The following IL2RB variants were observed in gnomAD, a reference collection of about 807,000 sequenced individuals.
The protein encoded by IL2RB is interleukin-2 receptor subunit beta.
IL2RB carries 17 observed loss-of-function variants against 44.2 expected under a neutral mutation model. That is an observed-to-expected ratio of 0.38 (90% CI 0.26 to 0.58). The LOEUF is 0.58. IL2RB is among the 20% of genes least tolerant of loss of function. The probability of loss-of-function intolerance (pLI) is 0.63; values close to 1 mark genes in which losing one functional copy is unlikely to be tolerated. For synonymous variants in IL2RB, 286 were observed against 297.9 expected (o/e 0.96, Z 0.41); for missense variants, 624 against 685.5 (o/e 0.91, Z 1.00).
chr22:37,139,344 G>C, intron 4 of IL2RB, 122 bp from the exon 5 acceptor site: 1 of 649,808 alleles, frequency 1.5e-6, no homozygotes, highest in South Asian at 1.9e-5. Flanking sequence ...CCAAGGCAGG[G>C]GCAGCAAATG....
intron 1 of IL2RB, among the ~76,000 whole-genome samples, chr22:37,162,305 A>C (rs1035210232): frequency 2.6e-5 from 4 of 152,172 alleles, no homozygotes; most frequent in African/African-American, 9.7e-5. Flanking sequence ...TTGGATGCTC[A>C]AGGACAGTAC....
chr22:37,136,465 A>AAC, intron 6 of IL2RB, 72 bp from the exon 7 acceptor site: 1 of 1,355,822 alleles, frequency 7.4e-7, no homozygotes, highest in Non-Finnish European at 9.9e-7. Context: ...AGCATCACAG[A>AAC]ACCCCCCCCC....
chr22:37,160,246 G>C (rs1922812173), intron 1 of IL2RB, among the ~76,000 whole-genome samples: 1 of 152,250 alleles, frequency 6.6e-6, no homozygotes, highest in African/African-American at 2.4e-5. Flanking sequence ...GCAGCGGGAT[G>C]GCAGCTTATC....
intron 1 of IL2RB, among the ~76,000 whole-genome samples, chr22:37,160,433 G>GC (rs879279735): frequency 3.3e-5 from 5 of 152,232 alleles, no homozygotes; most frequent in African/African-American, 4.8e-5. Context: ...GAACTGAGAT[G>GC]CCCATGGGGG....
chr22:37,150,324 G>A (rs979072851), upstream of IL2RB, among the ~76,000 whole-genome samples: 7 of 152,020 alleles, frequency 4.6e-5, no homozygotes, highest in African/African-American at 1.7e-4. Context: ...GGTGACCCCA[G>A]CGTCTCACCC....
intron 8 of IL2RB, among the ~76,000 whole-genome samples, chr22:37,133,105 C>T (rs982096486): frequency 1.3e-5 from 2 of 152,168 alleles, no homozygotes; most frequent in Non-Finnish European, 2.9e-5. Context: ...CCTCAAGGGC[C>T]AGGGTGTACT....
intron 9 of IL2RB, among the ~76,000 whole-genome samples, chr22:37,130,220 T>A (rs541865372): frequency 3.3e-5 from 5 of 152,144 alleles, no homozygotes; most frequent in African/African-American, 1.2e-4. Flanking sequence ...TCGGGTGAGA[T>A]TCATGATACC....
chr22:37,159,856 G>A (rs1922800266), intron 1 of IL2RB, among the ~76,000 whole-genome samples: 1 of 152,230 alleles, frequency 6.6e-6, no homozygotes. Flanking sequence ...TGGCGTGGGG[G>A]CCACCCGTTG....
At position 37,137,575 on chromosome 22, in the gene IL2RB, C is replaced by T. The variant is rs1921769343; in HGVS notation, c.537+12G>A. On this transcript the variant is annotated intron_variant, in intron 6 of 9. Coordinates refer to ENST00000216223, the MANE Select transcript of IL2RB (RefSeq NM_000878.5). Reference sequence around the variant, plus strand: ...GGAACCAAGGCAGGTACGGACTGGGCCACATTCTCACCTCCCAGGTGTGGC... The same window carrying T: ...GGAACCAAGGCAGGTACGGACTGGGTCACATTCTCACCTCCCAGGTGTGGC... The T allele has an allele frequency of 6.2e-7, 1 of 1,613,790 alleles. No individual in the cohort carries two copies. The highest frequency in any genetic ancestry group is 1.3e-5 in the African/African-American group (1 of 74,934).
chr22:37,165,050 T>G (rs973271249), intron 1 of IL2RB, among the ~76,000 whole-genome samples: 6 of 152,184 alleles, frequency 3.9e-5, no homozygotes, highest in African/African-American at 1.4e-4. Context: ...AGAGGCCGCA[T>G]GTTACCTCAG....
intron 1 of IL2RB, among the ~76,000 whole-genome samples, chr22:37,156,678 T>C (rs1032670974): frequency 6.6e-6 from 1 of 152,240 alleles, no homozygotes; most frequent in Non-Finnish European, 1.5e-5. Context: ...TCCCATTGGC[T>C]ACGCCTGAGT....
chr22:37,173,301 C>G (rs1015437741), intron 1 of IL2RB, among the ~76,000 whole-genome samples: 1 of 152,294 alleles, frequency 6.6e-6, no homozygotes, highest in Admixed American at 6.5e-5. Flanking sequence ...TGTAATGTCT[C>G]TCTCCCCTAT....
intron 9 of IL2RB, among the ~76,000 whole-genome samples, chr22:37,131,611 G>C (rs1248047317): frequency 6.6e-6 from 1 of 152,214 alleles, no homozygotes; most frequent in Non-Finnish European, 1.5e-5. Flanking sequence ...TATGGAGCCT[G>C]CTCAGGAATT....
chr22:37,130,953 G>A (rs533583126), intron 9 of IL2RB, among the ~76,000 whole-genome samples: 1 of 152,356 alleles, frequency 6.6e-6, no homozygotes, highest in South Asian at 2.1e-4. Flanking sequence ...GATCACCTGA[G>A]ATCAGGAGTT....
chr22:37,171,414 G>C (rs749337970), intron 1 of IL2RB, among the ~76,000 whole-genome samples: 5 of 152,204 alleles, frequency 3.3e-5, no homozygotes, highest in South Asian at 2.1e-4. Context: ...CTAGTGGGGA[G>C]TGGGGTGAGA....
chr22:37,164,479 C>T (rs572356779), intron 1 of IL2RB, among the ~76,000 whole-genome samples: 1 of 9,564 alleles, frequency 1.0e-4, no homozygotes, highest in Admixed American at 1.1e-3. Flanking sequence ...GGTGAGGGGC[C>T]GGGTGGTGGG....
At chr22:37,160,581 T>C (rs1411220906) in intron 1 of IL2RB, among the ~76,000 whole-genome samples, 1 of 151,758 alleles carries the variant, frequency 6.6e-6, no homozygotes, top group Non-Finnish European at 1.5e-5. Flanking sequence ...GAAGCTAAAA[T>C]TGGTATTTTT....
intron 6 of IL2RB, 110 bp downstream of exon 6, chr22:37,137,477 C>T: frequency 8.6e-7 from 1 of 1,163,246 alleles, no homozygotes; most frequent in East Asian, 2.4e-5. Flanking sequence ...CTCAGCCACC[C>T]ACCATCCACC....
chr22:37,128,782 G>A lies in IL2RB; in HGVS notation c.970C>T (p.Pro324Ser). The change falls in exon 10 of 10, where the codon CCA becomes TCA. Residue 324 changes from proline (P) to serine (S), a missense_variant. Physicochemically the swap from Pro to Ser is moderately conservative, Grantham distance 74. Coordinates refer to ENST00000216223, the MANE Select transcript of IL2RB (RefSeq NM_000878.5). The surrounding 1 kb of genome is among the most constrained non-coding windows in gnomAD (Gnocchi z 4.5). ...SPGGLAPEIS[P>S]LEVLERDKVT... ...TTGTCCCTCTCCAGCACTTCTAGTGGCGAGATCTCAGGTGCCAGGCCGCCA... is the reference window on the plus strand; with the variant it reads ...TTGTCCCTCTCCAGCACTTCTAGTGACGAGATCTCAGGTGCCAGGCCGCCA... The A allele has an allele frequency of 6.2e-7, 1 of 1,613,846 alleles. No individual in the cohort carries two copies. The highest frequency in any genetic ancestry group is 1.1e-5 in the South Asian group (1 of 91,080).
Sources: gnomAD v4.1 joint callset for allele counts (sites outside exome capture counted in the v4.1 genomes callset) on GRCh38, gnomAD v4.1.1 for gene constraint, Gnocchi (gnomAD v3.1) non-coding constraint, MANE v1.5 for transcripts, NCBI Gene and HGNC (gene_info 2026-07-23, HGNC 2026-07-21) for gene names.